The following DNMBP variants were observed in gnomAD, a reference collection of about 807,000 sequenced individuals.
DNMBP encodes dynamin binding protein.
In DNMBP, 87 loss-of-function variants were observed where a neutral mutation model predicts 150.0. The ratio of observed to expected loss-of-function variants is 0.58; its 90% CI spans 0.49 to 0.69. DNMBP has a LOEUF of 0.69. Ranked by LOEUF, DNMBP falls within the 30% of genes least tolerant of loss-of-function variation. The pLI, the probability that DNMBP is intolerant of heterozygous loss-of-function variation, is 0.00. For synonymous variants in DNMBP, 711 were observed against 750.4 expected (o/e 0.95, Z 0.86); for missense variants, 1,774 against 1,949.0 (o/e 0.91, Z 1.69).
rs1554857510 is a variant in DNMBP at position 99,879,101 on chromosome 10, A to AAAAAAAAAAAAAAAAAAAAC, written c.4548+709_4548+710insGTTTTTTTTTTTTTTTTTTT. On this transcript the variant is annotated intron_variant, in intron 16 of 16. Transcript: ENST00000324109. ...CTCTGTCTCAAAAAAAAAAAAAAAA[A>AAAAAAAAAAAAAAAAAAAAC]CCCAAAACGTTTGAGATACAAAGCC... Among the ~76,000 whole-genome samples the AAAAAAAAAAAAAAAAAAAAC allele has an allele frequency of 1.6e-3, 215 of 135,064 alleles. 3 individuals are homozygous for AAAAAAAAAAAAAAAAAAAAC. The highest frequency in any genetic ancestry group is 3.9e-3 in the Middle Eastern group (1 of 258). The allele number at this position is 135,064 out of a possible 152,430, so 88.6% of individuals were successfully genotyped here.
chr10:99,980,643 T>TA lies in DNMBP; in HGVS notation c.-10-8510dup, dbSNP rs559910759. Among the ~76,000 whole-genome samples, 342 of 144,244 alleles carry TA rather than the reference T, an allele frequency of 2.4e-3. 3 individuals carry two copies. Among genetic ancestry groups the TA allele is most frequent in the African/African-American group, 7.1e-3 (282 of 39,712 alleles). The allele number at this position is 144,244 out of a possible 152,430, so 94.6% of individuals were successfully genotyped here. A position where few individuals can be genotyped will look rare whatever the true frequency, so the allele number is the denominator to read the frequency against. The stretch of plus-strand genomic sequence containing the variant: ...ACCCAACTCTACAAAAAATTAGAAT[T>TA]AAAAAAAAAAAAATAGCTGGGCGCA... On this transcript the variant is annotated intron_variant, in intron 1 of 16. Coordinates refer to ENST00000324109, the MANE Select transcript of DNMBP (RefSeq NM_015221.4).
Position 99,909,031 on chromosome 10 carries a change from A to G in DNMBP, c.2376T>C (p.Leu792=), listed in dbSNP as rs1194025071. Residue 792 remains leucine (L), a synonymous_variant, in exon 5 of 17, where the codon CTT becomes CTC. Transcript: ENST00000324109. ...LEKRAKVIEE[L]LQTERDYIRD... ...GAATGTAGTCTCTTTCTGTCTGAAG[A>G]AGTTCTTCTATGACCTTGGCTCTCT... The G allele has an allele frequency of 1.9e-6, 3 of 1,614,046 alleles. No individual in the cohort carries two copies. The highest frequency in any genetic ancestry group is 2.2e-5 in the South Asian group (2 of 91,088).
intron 1 of DNMBP, among the ~76,000 whole-genome samples, chr10:99,975,234 C>T (rs1034559233): frequency 3.3e-5 from 5 of 152,102 alleles, no homozygotes; most frequent in African/African-American, 1.2e-4. Flanking sequence ...GTGGTGCATG[C>T]CTGTAATCCC....
At position 99,972,059 on chromosome 10, in the gene DNMBP, C is replaced by A; in HGVS notation, c.66G>T (p.Pro22=). ...CCTCAATAATATCTCCCACAAAGAGCGGCAGTTCTTCTGATACGCTAGGGC... is the reference window on the plus strand; with the variant it reads ...CCTCAATAATATCTCCCACAAAGAGAGGCAGTTCTTCTGATACGCTAGGGC... The part of the protein sequence containing the change: ...DFCPSVSEEL[P]LFVGDIIEVL... The change falls in exon 2 of 17, where the codon CCG becomes CCT. Residue 22 remains proline, a synonymous_variant. Coordinates refer to ENST00000324109, the MANE Select transcript of DNMBP (RefSeq NM_015221.4). The A allele has an allele frequency of 2.5e-6, 4 of 1,613,920 alleles. No individual in the cohort carries two copies. Among genetic ancestry groups the A allele is most frequent in the Non-Finnish European group, 8.5e-7 (1 of 1,179,982 alleles).
chr10:99,972,025 C>T lies in DNMBP; in HGVS notation c.100G>A (p.Val34Met). The T allele has an allele frequency of 6.2e-7, 1 of 1,614,016 alleles. No homozygotes were observed. The highest frequency in any genetic ancestry group is 1.3e-5 in the African/African-American group (1 of 74,984). ...FVGDIIEVLA[V>M]VDEFWLLGKK... ...CCTAGAAGCCAAAATTCATCCACCA[C>T]TGCCAGCACCTCAATAATATCTCCC... The change falls in exon 2 of 17, where the codon GTG (valine) becomes ATG (methionine). Residue 34 changes from valine (V) to methionine (M), a missense_variant. Around this residue, in one of 2 missense-constraint regions of DNMBP, gnomAD observed 344 missense variants for 456.6 expected, o/e 0.75. Transcript: ENST00000324109.
intron 15 of DNMBP, among the ~76,000 whole-genome samples, chr10:99,881,127 C>T (rs1271747206): frequency 6.6e-6 from 1 of 152,066 alleles, no homozygotes; most frequent in Non-Finnish European, 1.5e-5. Flanking sequence ...ACTCAGGAGG[C>T]TAAGGCAGGA....
At chr10:99,983,466 G>A (rs1013360860) in intron 1 of DNMBP, among the ~76,000 whole-genome samples, 3 of 152,174 alleles carry the variant, frequency 2.0e-5, no homozygotes, top group Non-Finnish European at 4.4e-5. Flanking sequence ...GGTTTATGTC[G>A]CTGGAGTTCA....
At chr10:99,947,918 G>A (rs1809149721) in intron 4 of DNMBP, among the ~76,000 whole-genome samples, 1 of 152,124 alleles carries the variant, frequency 6.6e-6, no homozygotes, top group Admixed American at 6.6e-5. Context: ...AGGAGAAGCT[G>A]AGCGAAGTAT....
intron 1 of DNMBP, among the ~76,000 whole-genome samples, chr10:99,986,872 A>G (rs1387613607): frequency 6.6e-6 from 1 of 152,072 alleles, no homozygotes; most frequent in East Asian, 1.9e-4. Flanking sequence ...AGAAATCTCT[A>G]AGGCCGGGCA....
chr10:99,980,763 C>A (rs1331749532), intron 1 of DNMBP, among the ~76,000 whole-genome samples: 1 of 115,066 alleles, frequency 8.7e-6, no homozygotes, highest in African/African-American at 4.2e-5. Flanking sequence ...AGTGTTTGTG[C>A]CACTCATTCC....
intron 7 of DNMBP, 94 bp from the exon 8 acceptor site, chr10:99,898,854 C>A: frequency 8.2e-7 from 1 of 1,220,588 alleles, no homozygotes; most frequent in Non-Finnish European, 1.2e-6. Flanking sequence ...TCATGTGGGA[C>A]AAAAAATTAT....
chr10:99,989,394 G>A (rs11816702), intron 1 of DNMBP, among the ~76,000 whole-genome samples: 1,935 of 152,226 alleles, frequency 0.013, 44 homozygotes, highest in African/African-American at 0.043. Flanking sequence ...CTTTAGCCTG[G>A]GCCCCAGAAT....
At chr10:99,902,912 G>A (rs1181774371) in intron 6 of DNMBP, among the ~76,000 whole-genome samples, 1 of 150,004 alleles carries the variant, frequency 6.7e-6, no homozygotes, top group Non-Finnish European at 1.5e-5. Flanking sequence ...TGGGCAGAGA[G>A]CAAGATTCTG....
intron 6 of DNMBP, among the ~76,000 whole-genome samples, chr10:99,903,298 C>T (rs2039774088): frequency 1.3e-5 from 2 of 151,896 alleles, no homozygotes; most frequent in South Asian, 4.2e-4. Context: ...GGGGGTGGGG[C>T]TGGCTCCTTT....
chr10:99,915,108 A>AAAAATATATATATATATATATAT (rs10654940), intron 4 of DNMBP, among the ~76,000 whole-genome samples: 1 of 99,804 alleles, frequency 1.0e-5, no homozygotes, highest in African/African-American at 4.4e-5. Context: ...AAAAAAAAAA[A>AAAAATATATATATATATATATAT]ATATATATAT....
chr10:99,880,317 G>A lies in DNMBP; in HGVS notation c.4042C>T (p.Pro1348Ser), dbSNP rs1564712734. ...VYSSFLKPYN[P>S]RRSHSDASVG... is the part of the protein sequence containing the mutation. The stretch of plus-strand genomic sequence containing the variant: ...GAGGCATCGGAGTGGCTGCGGCGAG[G>A]ATTGTAGGGCTTTAGGAAAGAGCTG... The change falls in exon 16 of 17, where the codon CCT (proline) becomes TCT (serine). Residue 1348 changes from proline to serine, a missense_variant. This residue lies in a region of DNMBP where 1,430 missense variants were observed against 1,492.5 expected (regional missense o/e 0.96). Transcript: ENST00000324109. 3 of 1,611,048 alleles carry A rather than the reference G, an allele frequency of 1.9e-6. No homozygotes were observed. The highest frequency in any genetic ancestry group is 1.7e-5 in the Admixed American group (1 of 59,990).
chr10:99,963,290 C>T (rs548522728), intron 3 of DNMBP, among the ~76,000 whole-genome samples: 5 of 151,110 alleles, frequency 3.3e-5, no homozygotes, highest in Non-Finnish European at 5.9e-5. Context: ...AAGCTGGCCT[C>T]AAACTCCTGG....
chr10:99,935,705 T>C (rs139827611), intron 4 of DNMBP, among the ~76,000 whole-genome samples: 1,768 of 152,250 alleles, frequency 0.012, 37 homozygotes, highest in African/African-American at 0.039. Context: ...GCTGGGGTTA[T>C]AGGCATACAC....
At chr10:99,985,886 G>T (rs1490410238) in intron 1 of DNMBP, among the ~76,000 whole-genome samples, 1 of 152,144 alleles carries the variant, frequency 6.6e-6, no homozygotes, top group Non-Finnish European at 1.5e-5. Context: ...ATGTAGCTGG[G>T]ACCACAGGCA....
Sources: allele counts gnomAD v4.1 joint callset (sites outside exome capture counted in the v4.1 genomes callset), GRCh38; gene constraint gnomAD v4.1.1; regional missense constraint gnomAD v4.1.1; transcripts MANE v1.5; gene names NCBI Gene and HGNC (gene_info 2026-07-23, HGNC 2026-07-21).